The following POTEM variants were observed in gnomAD, a reference collection of about 807,000 sequenced individuals.
POTEM encodes putative POTE ankyrin domain family member M.
For missense variants in POTEM, 24 were observed against 343.0 expected (o/e 0.07, Z 7.35); for synonymous variants, 8 against 113.2 (o/e 0.07, Z 5.90).
At chr14:18,985,903 CAAAAAAAAAA>C (rs1162516671) in intron 7 of POTEM, among the ~76,000 whole-genome samples, 23 of 68,972 alleles carry the variant, frequency 3.3e-4, no homozygotes, top group South Asian at 9.7e-4. Flanking sequence ...GACTCTGTGT[CAAAAAAAAAA>C]AAAAAAAAAA....
chr14:19,002,754 G>C lies in POTEM; in HGVS notation c.*4089G>C, dbSNP rs1361901046. On this transcript the variant is annotated 3_prime_UTR_variant, in exon 11 of 11. Coordinates refer to ENST00000547889, the MANE Select transcript of POTEM (RefSeq NM_001145442.1). ...GCAGCAAGGTGGCCCCTACGGCCAC[G>C]CACCAGCCTGCACATTACCTCTCCA... Among the ~76,000 whole-genome samples the C allele has an allele frequency of 1.5e-4, 23 of 151,838 alleles. No homozygotes were observed. The highest frequency in any genetic ancestry group is 2.2e-4 in the Non-Finnish European group (15 of 67,778).
At chr14:18,996,152 C>T (rs1164915766) in intron 9 of POTEM, among the ~76,000 whole-genome samples, 1 of 152,126 alleles carries the variant, frequency 6.6e-6, no homozygotes, top group African/African-American at 2.4e-5. Context: ...TAGGACTTCC[C>T]AGTTTTATTC....
chr14:18,992,936 A>G (rs1891262334), intron 9 of POTEM, among the ~76,000 whole-genome samples: 1 of 65,504 alleles, frequency 1.5e-5, no homozygotes, highest in African/African-American at 7.6e-5. Flanking sequence ...TTGCTCTGTC[A>G]CCCAGGCTGC....
chr14:18,969,319 A>ATATG (rs1890847117), intron 1 of POTEM, among the ~76,000 whole-genome samples: 2 of 68,618 alleles, frequency 2.9e-5, no homozygotes, highest in Admixed American at 2.9e-4. Context: ...ATATATATGT[A>ATATG]TATATATATA....
chr14:18,968,204 A>G lies in POTEM; in HGVS notation c.521+198A>G, dbSNP rs1232346448. Among the ~76,000 whole-genome samples, 25 of 152,326 alleles carry G rather than the reference A, an allele frequency of 1.6e-4. No homozygotes were observed. The East Asian group carries it at 4.9e-3, about 30-fold the overall frequency. On this transcript the variant is annotated intron_variant, in intron 1 of 10. Transcript: ENST00000547889. ...AAAACAAAACTTTAGCTGATTTCCA[A>G]TCAAATTATAATTTCCCTCCTAGAA...
chr14:18,980,254 ATGG>A (rs1891048763), intron 6 of POTEM, 110 bp downstream of exon 6: 1 of 583,258 alleles, frequency 1.7e-6, no homozygotes, highest in African/African-American at 2.2e-5. Context: ...AAAGGTGGGG[ATGG>A]TTTCAGAATT....
At chr14:18,969,307 GTATATATATGTATATATA>G (rs1214148195) in intron 1 of POTEM, among the ~76,000 whole-genome samples, 24 of 79,472 alleles carry the variant, frequency 3.0e-4, no homozygotes, top group African/African-American at 1.2e-3. Flanking sequence ...ATGTATATAC[GTATATATATGTATATATA>G]TATATATACG....
chr14:18,982,633 C>T (rs1222205789), intron 6 of POTEM, among the ~76,000 whole-genome samples: 2 of 130,164 alleles, frequency 1.5e-5, no homozygotes, highest in Admixed American at 7.7e-5. Flanking sequence ...GCTATGGTTT[C>T]CTTGTCATAC....
In POTEM at chr14:18,993,195, C is replaced by T. The variant is rs533654174; in HGVS notation, c.1410-3846C>T. Among the ~76,000 whole-genome samples, 28 of 69,096 alleles carry T rather than the reference C, an allele frequency of 4.1e-4. 11 individuals carry two copies. The highest frequency in any genetic ancestry group is 2.0e-3 in the African/African-American group (27 of 13,190). The allele number at this position is 69,096 out of a possible 152,430, so 45.3% of individuals were successfully genotyped here. ...GATTACAGGCGTAAGCCACCATGTC[C>T]GGCCACTAGCATTTTATTTAAAAAA... On this transcript the variant is annotated intron_variant, in intron 9 of 10. Transcript: ENST00000547889.
chr14:18,969,359 A>T (rs61368821), intron 1 of POTEM, among the ~76,000 whole-genome samples: 2 of 87,556 alleles, frequency 2.3e-5, no homozygotes, highest in Non-Finnish European at 4.2e-5. Flanking sequence ...ATACATGTGT[A>T]TATATATATA....
intron 1 of POTEM, among the ~76,000 whole-genome samples, chr14:18,968,901 T>A (rs1374983723): frequency 1.3e-5 from 2 of 150,072 alleles, no homozygotes; most frequent in South Asian, 2.1e-4. Flanking sequence ...TTAGAGTTTT[T>A]AAATTACACA....
At chr14:18,982,022 T>C in intron 6 of POTEM, among the ~76,000 whole-genome samples, 1 of 150,434 alleles carries the variant, frequency 6.6e-6, no homozygotes, top group East Asian at 2.0e-4. Context: ...TTCACGTAAC[T>C]GGGAGAAAAC....
In POTEM at chr14:18,968,833, A is replaced by T. The variant is rs527454756; in HGVS notation, c.521+827A>T. 7.2e-5 allele frequency among the ~76,000 whole-genome samples: 11 copies of T among 152,296 alleles called. No individual in the cohort carries two copies. The South Asian group carries it at 2.3e-3, about 32-fold the overall frequency. ...GCAAGACTCCGTCTCAAAAAAAAAAAAAAAAGTGAGCTTTTTCTATTTATC... is the reference window on the plus strand; with the variant it reads ...GCAAGACTCCGTCTCAAAAAAAAAATAAAAAGTGAGCTTTTTCTATTTATC... On this transcript the variant is annotated intron_variant, in intron 1 of 10. Transcript: ENST00000547889.
chr14:18,968,769 G>T (rs1242601961), intron 1 of POTEM, among the ~76,000 whole-genome samples: 1 of 152,294 alleles, frequency 6.6e-6, no homozygotes, highest in Non-Finnish European at 1.5e-5. Context: ...CTTGCAGTGA[G>T]CCGAGATCAC....
rs1231583699 is a variant in POTEM, at chr14:18,969,363, A to G, written c.521+1357A>G. 2.7e-3 allele frequency among the ~76,000 whole-genome samples: 348 copies of G among 126,848 alleles called. 1 individual carries two copies. The highest frequency in any genetic ancestry group is 6.8e-3 in the African/African-American group (219 of 32,026). 83.2% of individuals were successfully genotyped at this position (126,848 alleles called of 152,430 possible). The stretch of plus-strand genomic sequence containing the variant: ...TATACATATATATACATGTGTATAT[A>G]TATATATATATATATACACAAAATT... On this transcript the variant is annotated intron_variant, in intron 1 of 10. Coordinates refer to ENST00000547889, the MANE Select transcript of POTEM (RefSeq NM_001145442.1).
intron 6 of POTEM, among the ~76,000 whole-genome samples, chr14:18,982,065 C>A (rs2138959755): frequency 6.6e-6 from 1 of 151,156 alleles, no homozygotes; most frequent in South Asian, 2.1e-4. Context: ...TGTAATATTT[C>A]ATTGGCTAGG....
chr14:18,968,466 A>G (rs1166715315), intron 1 of POTEM, among the ~76,000 whole-genome samples: 1 of 152,212 alleles, frequency 6.6e-6, no homozygotes, highest in Non-Finnish European at 1.5e-5. Flanking sequence ...TAATCTTAGA[A>G]GGAAACTGAA....
chr14:18,988,251 CA>C lies in POTEM; in HGVS notation c.1243-2del. The C allele has an allele frequency of 1.7e-6, 1 of 596,084 alleles. No individual in the cohort carries two copies. The highest frequency in any genetic ancestry group is 2.6e-6 in the Non-Finnish European group (1 of 387,834). 36.9% of individuals were successfully genotyped at this position (596,084 alleles called of 1,614,324 possible). A position where few individuals can be genotyped will look rare whatever the true frequency, so the allele number is the denominator to read the frequency against. ...CTATCCTTAATATCAAACTTTCATT[CA>C]AGGTTGAAGAAGAAATGAAGAAGCA... is the stretch of plus-strand genomic sequence containing the variant. On this transcript the variant is annotated splice_polypyrimidine_tract_variant and splice_region_variant and intron_variant, in intron 8 of 10. Coordinates refer to ENST00000547889, the MANE Select transcript of POTEM (RefSeq NM_001145442.1).
intron 9 of POTEM, among the ~76,000 whole-genome samples, chr14:18,996,472 C>T (rs1167581216): frequency 5.3e-5 from 7 of 132,320 alleles, no homozygotes; most frequent in African/African-American, 2.2e-4. Flanking sequence ...GCAAGCAAAG[C>T]TTCATCTGTT....
Sources: allele counts gnomAD v4.1 joint callset (sites outside exome capture counted in the v4.1 genomes callset), GRCh38; gene constraint gnomAD v4.1.1; transcripts MANE v1.5; gene names NCBI Gene and HGNC (gene_info 2026-07-23, HGNC 2026-07-21).